RPS6KA2: variants seen among roughly 807,000 people sequenced by gnomAD.
RPS6KA2 encodes the protein ribosomal protein S6 kinase A2.
In RPS6KA2, 42 loss-of-function variants were observed where a neutral mutation model predicts 91.8. That is an observed-to-expected ratio of 0.46 (90% confidence interval 0.36 to 0.59). The LOEUF is 0.59. Ranked by LOEUF, RPS6KA2 falls within the 20% of genes least tolerant of loss-of-function variation. RPS6KA2 has a pLI of 0.00. For synonymous variants in RPS6KA2, 414 were observed against 393.6 expected (o/e 1.05, Z -0.61); for missense variants, 798 against 978.5 (o/e 0.82, Z 2.46).
At chr6:166,576,069 G>A (rs1784829718) in intron 1 of RPS6KA2, among the ~76,000 whole-genome samples, 2 of 152,150 alleles carry the variant, frequency 1.3e-5, no homozygotes, top group Non-Finnish European at 2.9e-5. Context: ...GATGTGATGG[G>A]TTTATCAGGG....
At chr6:166,586,921 C>G (rs1785194053) in intron 1 of RPS6KA2, among the ~76,000 whole-genome samples, 2 of 152,214 alleles carry the variant, frequency 1.3e-5, no homozygotes, top group Admixed American at 1.3e-4. Context: ...ATTACCCAGC[C>G]CTCCTTGCAG....
chr6:166,684,689 G>T (rs1788953370), intron 2 of RPS6KA2, among the ~76,000 whole-genome samples: 1 of 152,124 alleles, frequency 6.6e-6, no homozygotes, highest in Admixed American at 6.5e-5. Context: ...CAGGAATCCG[G>T]CAGATGCCGT....
At chr6:166,521,331 C>T (rs1324580749) in intron 3 of RPS6KA2, among the ~76,000 whole-genome samples, 1 of 152,232 alleles carries the variant, frequency 6.6e-6, no homozygotes, top group Admixed American at 6.5e-5. Flanking sequence ...CAACCCCTGC[C>T]CTGCAAAGCT....
intron 1 of RPS6KA2, among the ~76,000 whole-genome samples, chr6:166,605,428 G>A (rs974683667): frequency 5.9e-5 from 9 of 151,780 alleles, no homozygotes; most frequent in South Asian, 4.2e-4. Context: ...TCTGCTTGAT[G>A]CTTAAATGTG....
Position 166,833,764 on chromosome 6 carries a change from G to T in RPS6KA2, c.123+24436C>A, listed in dbSNP as rs183574733. On this transcript the variant is annotated intron_variant, in intron 2 of 21. Transcript: ENST00000503859. ...GAACACAATCTGTTTATCTATTCACGAGTTTATCATTTGAGCAGGTTCCAG... is the reference window on the plus strand; with the variant it reads ...GAACACAATCTGTTTATCTATTCACTAGTTTATCATTTGAGCAGGTTCCAG... Among the ~76,000 whole-genome samples, 1,184 of 152,322 alleles carry T rather than the reference G, an allele frequency of 7.8e-3. 15 individuals carry two copies. The highest frequency in any genetic ancestry group is 0.027 in the African/African-American group (1,131 of 41,570).
At chr6:166,420,472 G>T (rs1778684696) in intron 17 of RPS6KA2, among the ~76,000 whole-genome samples, 1 of 152,112 alleles carries the variant, frequency 6.6e-6, no homozygotes. Context: ...CTCCTCCAGG[G>T]ACCTCATAGG....
chr6:166,463,253 T>A (rs1290288815), intron 11 of RPS6KA2: 1 of 152,238 alleles, frequency 6.6e-6, no homozygotes, highest in African/African-American at 2.4e-5. Context: ...TCATCCGGCC[T>A]CTTGCTTTGT....
intron 11 of RPS6KA2, among the ~76,000 whole-genome samples, chr6:166,460,038 A>G (rs1780223691): frequency 1.3e-5 from 2 of 152,184 alleles, no homozygotes; most frequent in South Asian, 4.1e-4. Context: ...AAAACCGCCG[A>G]CCCAGAGCCA....
intron 2 of RPS6KA2, among the ~76,000 whole-genome samples, chr6:166,778,397 A>G (rs868521386): frequency 9.2e-5 from 14 of 152,242 alleles, no homozygotes; most frequent in Admixed American, 3.3e-4. Context: ...GATATCCAGG[A>G]GATGATATGG....
Position 166,435,544 on chromosome 6 carries a change from G to A in RPS6KA2, c.1333-3054C>T, listed in dbSNP as rs147970016. Among the ~76,000 whole-genome samples, 61 of 152,358 alleles carry A rather than the reference G, an allele frequency of 4.0e-4. No individual in the cohort carries two copies. The highest frequency in any genetic ancestry group is 1.4e-3 in the African/African-American group (59 of 41,588). ...AAACACCACACACCAGCTGTTCGCT[G>A]AGGTGGCATTTGGGGAAATGGAGGA... On this transcript the variant is annotated intron_variant, in intron 14 of 20. Transcript: ENST00000265678. The surrounding 1 kb of genome is among the most constrained non-coding windows in gnomAD (Gnocchi z 4.3).
In RPS6KA2 at chr6:166,650,148, C is replaced by CA. The variant is rs71800915; in HGVS notation, c.124-111365dup. On this transcript the variant is annotated intron_variant, in intron 2 of 21. Coordinates refer to the RPS6KA2 transcript ENST00000503859. ...GGCTCATTTGTTTTGTTGGGAATTA[C>CA]AAAAAAAAAAAAAAAAAGCACAATT... Among the ~76,000 whole-genome samples the CA allele has an allele frequency of 8.7e-3, 822 of 94,708 alleles. 5 individuals carry two copies. The highest frequency in any genetic ancestry group is 0.026 in the African/African-American group (601 of 22,806). The allele number at this position is 94,708 out of a possible 152,430, so 62.1% of individuals were successfully genotyped here.
intron 15 of RPS6KA2, among the ~76,000 whole-genome samples, chr6:166,431,185 C>G (rs1779118023): frequency 6.6e-6 from 1 of 152,220 alleles, no homozygotes; most frequent in African/African-American, 2.4e-5. Context: ...GCCTCAGCCT[C>G]CCAAAGTGCT....
At chr6:166,718,773 T>C (rs1790091574) in intron 2 of RPS6KA2, among the ~76,000 whole-genome samples, 1 of 152,208 alleles carries the variant, frequency 6.6e-6, no homozygotes. Context: ...TCAGATCGGT[T>C]ATGTCTCAAT....
chr6:166,546,233 G>C (rs969385987), intron 1 of RPS6KA2, among the ~76,000 whole-genome samples: 3 of 152,152 alleles, frequency 2.0e-5, no homozygotes, highest in African/African-American at 7.2e-5. Context: ...CCTCACACTC[G>C]GGGCAGGTGG....
rs569568387 is a variant in RPS6KA2, at chr6:166,696,645, C to T, written c.124-157861G>A. ...TGGTCAGGGTTATTATGAATGTGTCCGTGAGGGTATTCTGGGAGGAGACGA... is the reference window on the plus strand; with the variant it reads ...TGGTCAGGGTTATTATGAATGTGTCTGTGAGGGTATTCTGGGAGGAGACGA... On this transcript the variant is annotated intron_variant, in intron 2 of 21. Coordinates refer to the RPS6KA2 transcript ENST00000503859. Among the ~76,000 whole-genome samples, 5 of 152,240 alleles carry T rather than the reference C, an allele frequency of 3.3e-5. No individual in the cohort carries two copies. In the South Asian group the frequency reaches 6.2e-4, roughly 19 times the overall value.
chr6:166,798,428 C>T (rs1269388746), intron 2 of RPS6KA2, among the ~76,000 whole-genome samples: 4 of 152,230 alleles, frequency 2.6e-5, no homozygotes, highest in Admixed American at 2.0e-4. Flanking sequence ...TAATATTTAG[C>T]ACCCAAAAGG....
chr6:166,718,502 T>C (rs1261866397), intron 2 of RPS6KA2, among the ~76,000 whole-genome samples: 1 of 152,208 alleles, frequency 6.6e-6, no homozygotes, highest in Non-Finnish European at 1.5e-5. Flanking sequence ...TAAGGCCATA[T>C]CAAAATCTAA....
At chr6:166,436,611 C>T (rs140175248) in intron 14 of RPS6KA2, among the ~76,000 whole-genome samples, 173 of 152,346 alleles carry the variant, frequency 1.1e-3, no homozygotes, top group African/African-American at 3.7e-3. Flanking sequence ...GTGTCTGTCT[C>T]GCACTAGCAG....
Position 166,603,518 on chromosome 6 carries a change from C to T in RPS6KA2, c.99+23403G>A, listed in dbSNP as rs569921939. Reference sequence around the variant, plus strand: ...ATGGGATTAGCATGGGGGCAGCTACCGACCAGTCACCTTCTGGAGTCGAGG... The same window carrying T: ...ATGGGATTAGCATGGGGGCAGCTACTGACCAGTCACCTTCTGGAGTCGAGG... On this transcript the variant is annotated intron_variant, in intron 1 of 20. Coordinates refer to ENST00000265678, the MANE Select transcript of RPS6KA2 (RefSeq NM_021135.6). This position sits in a 1 kb window ranked among gnomAD's most constrained non-coding sequence, Gnocchi z 4.3. Among the ~76,000 whole-genome samples the T allele has an allele frequency of 2.6e-5, 4 of 152,164 alleles. No individual in the cohort carries two copies. The highest frequency in any genetic ancestry group is 6.5e-5 in the Admixed American group (1 of 15,298).
Sources: allele counts gnomAD v4.1 joint callset (sites outside exome capture counted in the v4.1 genomes callset), GRCh38; gene constraint gnomAD v4.1.1; non-coding constraint Gnocchi (gnomAD v3.1); transcripts MANE v1.5; gene names NCBI Gene and HGNC (gene_info 2026-07-23, HGNC 2026-07-21).